Variants in A2ML1 observed in about 807,000 individuals in gnomAD.
A2ML1 encodes alpha-2-macroglobulin like 1, also known as alpha-2-macroglobulin-like protein 1.
In A2ML1, 161 loss-of-function variants were observed where a neutral mutation model predicts 181.9. The observed-to-expected ratio is 0.89, with a 90% CI of 0.78 to 1.01. The LOEUF is 1.01. Among genes scored for constraint, A2ML1 ranks in the 50% least tolerant of loss-of-function variants. The pLI, the probability that A2ML1 is intolerant of heterozygous loss-of-function variation, is 0.00. For synonymous variants in A2ML1, 663 were observed against 666.8 expected, an observed-to-expected ratio of 0.99 and a Z score of 0.09; for missense variants, 1,670 against 1,768.1, an observed-to-expected ratio of 0.94 and a Z score of 1.00.
intron 10 of A2ML1, among the ~76,000 whole-genome samples, chr12:8,841,021 A>AGGTAGGACGGAC (rs1943460025): frequency 8.1e-6 from 1 of 122,890 alleles, no homozygotes; most frequent in South Asian, 2.9e-4. Context: ...GACGGAAGGA[A>AGGTAGGACGGAC]GGAAGGAAGG....
intron 4 of A2ML1, chr12:8,831,029 T>A (rs924980195): frequency 6.6e-6 from 1 of 151,972 alleles, no homozygotes; most frequent in African/African-American, 2.4e-5. Flanking sequence ...TCACTGCAGC[T>A]TTGACCCTGC....
At position 8,838,806 on chromosome 12, in the gene A2ML1, CGGGGAGGCTGAGGCAGG is replaced by C. The variant is rs1233740977; in HGVS notation, c.971-306_971-290del. On this transcript the variant is annotated intron_variant, in intron 9 of 35. Transcript: ENST00000299698. Reference sequence around the variant, plus strand: ...GGGGGCGCCTGTAGTCCCAGCTACTCGGGGAGGCTGAGGCAGGAGAATGGCGTGAACCCAGGAGGTGG... The same window carrying C: ...GGGGGCGCCTGTAGTCCCAGCTACTCAGAATGGCGTGAACCCAGGAGGTGG... Among the ~76,000 whole-genome samples the C allele has an allele frequency of 1.8e-4, 27 of 149,982 alleles. No homozygotes were observed. The East Asian group carries it at 5.4e-3, about 30-fold the overall frequency.
chr12:8,833,074 A>G (rs1943168851), intron 4 of A2ML1, among the ~76,000 whole-genome samples: 2 of 150,422 alleles, frequency 1.3e-5, no homozygotes, highest in Non-Finnish European at 2.9e-5. Flanking sequence ...CCTGGGTTCA[A>G]AGGATTCTCC....
chr12:8,848,436 G>A (rs1444292646), intron 15 of A2ML1, among the ~76,000 whole-genome samples: 3 of 151,764 alleles, frequency 2.0e-5, no homozygotes, highest in East Asian at 1.9e-4. Flanking sequence ...AGCCGAGATC[G>A]TCCCACTGCA....
intron 28 of A2ML1, among the ~76,000 whole-genome samples, chr12:8,862,896 A>G (rs1944313932): frequency 6.6e-6 from 1 of 152,156 alleles, no homozygotes. Context: ...TTAGTCTTCT[A>G]ACGTACAGTC....
rs1372248692 is a variant in A2ML1, at chr12:8,876,653, A to G, written c.*597A>G. ...GTGCCACTGCACTCCAGCCTGGGCA[A>G]TGAGGCAAGACCCTGTCTCAAAAAA... On this transcript the variant is annotated 3_prime_UTR_variant, in exon 36 of 36. Coordinates refer to ENST00000299698, the MANE Select transcript of A2ML1 (RefSeq NM_144670.6). 6.6e-6 allele frequency: 1 copy of G among 152,180 alleles called. No individual in the cohort carries two copies. Among genetic ancestry groups the G allele is most frequent in the African/African-American group, 2.4e-5 (1 of 41,448 alleles). 9.4% of individuals were successfully genotyped at this position (152,180 alleles called of 1,614,324 possible).
rs1943926021 is a variant in A2ML1, at chr12:8,852,437, C to G, written c.2590+101C>G. 6.6e-7 allele frequency: 1 copy of G among 1,520,128 alleles called. No individual in the cohort carries two copies. The highest frequency in any genetic ancestry group is 1.9e-5 in the Admixed American group (1 of 53,700). The allele number at this position is 1,520,128 out of a possible 1,614,324, so 94.2% of individuals were successfully genotyped here. A position where few individuals can be genotyped will look rare whatever the true frequency, so the allele number is the denominator to read the frequency against. ...TCTGCCACATCTGCTTTGCTTCCTC[C>G]TCCATTTTCCACTATTTTTCTCCCT... On this transcript the variant is annotated intron_variant, in intron 20 of 35. Coordinates refer to ENST00000299698, the MANE Select transcript of A2ML1 (RefSeq NM_144670.6). This position sits in a 1 kb window ranked among gnomAD's most constrained non-coding sequence, Gnocchi z 4.2.
At chr12:8,877,876 A>G (rs1944828438), downstream of A2ML1, among the ~76,000 whole-genome samples, 1 of 152,182 alleles carries the variant, frequency 6.6e-6, no homozygotes, top group Non-Finnish European at 1.5e-5. Flanking sequence ...AAAAGGACAC[A>G]TGCACCTGTA....
Position 8,860,898 on chromosome 12 carries a change from G to A in A2ML1, c.3282G>A (p.Glu1094=). 1 of 1,614,038 alleles carries A rather than the reference G, an allele frequency of 6.2e-7. No individual in the cohort carries two copies. The highest frequency in any genetic ancestry group is 8.5e-7 in the Non-Finnish European group (1 of 1,180,034). ...HTAMKGGVDD[E]VSLTAYVTAA... ...GCCTCTAGGGTGGTGTTGATGATGA[G>A]GTCTCCTTGACTGCGTATGTCACAG... The change falls in exon 27 of 36, where the codon GAG becomes GAA. Residue 1094 remains glutamate (E), a synonymous_variant. Transcript: ENST00000299698.
chr12:8,848,405 CG>C (rs1172610119), intron 15 of A2ML1, among the ~76,000 whole-genome samples: 3 of 151,290 alleles, frequency 2.0e-5, no homozygotes, highest in Non-Finnish European at 2.9e-5. Flanking sequence ...TGCGTGAACC[CG>C]GGAGGCAGAG....
At chr12:8,871,122 A>C (rs1475160595) in intron 33 of A2ML1, among the ~76,000 whole-genome samples, 1 of 152,154 alleles carries the variant, frequency 6.6e-6, no homozygotes, top group Non-Finnish European at 1.5e-5. Flanking sequence ...ATTCAGTTCT[A>C]ACTATTTCTT....
In A2ML1 at chr12:8,869,123, T is replaced by G; in HGVS notation, c.4153-12T>G. The G allele has an allele frequency of 1.9e-6, 3 of 1,613,902 alleles. No individual in the cohort carries two copies. On this transcript the variant is annotated splice_polypyrimidine_tract_variant and intron_variant, in intron 32 of 35. Transcript: ENST00000299698. The stretch of plus-strand genomic sequence containing the variant: ...GCTCTTAGTATCTTTTTTTTCTCCC[T>G]CTCTTATTCAGCTTCTCCAGCAACC...
intron 13 of A2ML1, among the ~76,000 whole-genome samples, 158 bp downstream of exon 13, chr12:8,845,660 A>T (rs899457172): frequency 1.3e-5 from 2 of 151,956 alleles, no homozygotes; most frequent in African/African-American, 4.8e-5. Context: ...ATCTTGGCTA[A>T]CATGGTGAAA....
intron 33 of A2ML1, 128 bp downstream of exon 33, chr12:8,869,331 C>T: frequency 4.5e-6 from 4 of 895,054 alleles, no homozygotes; most frequent in Non-Finnish European, 7.1e-6. Context: ...CACACCATGC[C>T]ATGAGTTCTG....
intron 12 of A2ML1, among the ~76,000 whole-genome samples, chr12:8,844,769 TA>T (rs1943608795): frequency 1.3e-5 from 2 of 151,850 alleles, no homozygotes; most frequent in Admixed American, 6.5e-5. Context: ...AGTCCAGTGA[TA>T]AAGCGGGCTC....
intron 7 of A2ML1, among the ~76,000 whole-genome samples, chr12:8,885,183 A>G (rs760708319): frequency 8.5e-5 from 13 of 152,146 alleles, no homozygotes; most frequent in Non-Finnish European, 1.8e-4. Context: ...TCACTCTTTC[A>G]ATAATGTCTT....
chr12:8,829,044 C>T (rs1259963753), intron 3 of A2ML1, among the ~76,000 whole-genome samples: 1 of 152,184 alleles, frequency 6.6e-6, no homozygotes, highest in Non-Finnish European at 1.5e-5. Context: ...GGTGAATCAG[C>T]AATTCAAGTG....
At chr12:8,826,355 G>A (rs1194517377) in intron 3 of A2ML1, among the ~76,000 whole-genome samples, 2 of 151,890 alleles carry the variant, frequency 1.3e-5, no homozygotes, top group Non-Finnish European at 2.9e-5. Flanking sequence ...TTATTCCTAG[G>A]TATTTTATAT....
chr12:8,869,708 T>C (rs1051173156), intron 33 of A2ML1, among the ~76,000 whole-genome samples: 17 of 152,200 alleles, frequency 1.1e-4, no homozygotes, highest in Admixed American at 3.9e-4. Context: ...GAGTATGTTA[T>C]AGTGGTTAAT....
Sources: allele counts gnomAD v4.1 joint callset (sites outside exome capture counted in the v4.1 genomes callset), GRCh38; gene constraint gnomAD v4.1.1; non-coding constraint Gnocchi (gnomAD v3.1); transcripts MANE v1.5; gene names NCBI Gene and HGNC (gene_info 2026-07-23, HGNC 2026-07-21).